The following ADORA2B variants were observed in gnomAD, a reference collection of about 807,000 sequenced individuals.
ADORA2B encodes adenosine A2b receptor, also known as adenosine receptor A2b.
ADORA2B carries 18 observed loss-of-function variants against 20.8 expected under a neutral mutation model. The ratio of observed to expected loss-of-function variants is 0.87; its 90% CI spans 0.60 to 1.29. The LOEUF (loss-of-function observed/expected upper bound fraction) is 1.29, where lower values mean the gene tolerates loss of function less well. ADORA2B is among the 50% of genes most tolerant of loss of function. The probability of loss-of-function intolerance (pLI) is 0.00; values close to 1 mark genes in which losing one functional copy is unlikely to be tolerated. For missense variants in ADORA2B, 441 were observed against 422.7 expected, an observed-to-expected ratio of 1.04 and a Z score of -0.38; for synonymous variants, 179 against 178.3, an observed-to-expected ratio of 1.00 and a Z score of -0.03.
At position 15,953,513 on chromosome 17, in the gene ADORA2B, A is replaced by C. The variant is rs1969931824; in HGVS notation, c.335+7930A>C. Reference sequence around the variant, plus strand: ...TGGTTTTGTGCTGCCATCTTGAAGCAGAATCTGTTGACTCCCCACTGTGAA... The same window carrying C: ...TGGTTTTGTGCTGCCATCTTGAAGCCGAATCTGTTGACTCCCCACTGTGAA... On this transcript the variant is annotated intron_variant, in intron 1 of 1. Transcript: ENST00000304222. 2.0e-5 allele frequency among the ~76,000 whole-genome samples: 3 copies of C among 152,326 alleles called. No individual in the cohort carries two copies. In the South Asian group the frequency reaches 6.2e-4, roughly 32 times the overall value.
the ADORA2B span, among the ~76,000 whole-genome samples, chr17:15,895,592 G>A: frequency 8.5e-5 from 13 of 152,312 alleles, no homozygotes; most frequent in South Asian, 2.1e-4. Context: ...CTGTATCTGC[G>A]CTGCCTTCAT....
the ADORA2B span, among the ~76,000 whole-genome samples, chr17:15,852,345 A>G: frequency 2.6e-5 from 4 of 152,188 alleles, no homozygotes; most frequent in African/African-American, 4.8e-5. Context: ...CTTAAAACCC[A>G]TAGAAACATG....
At chr17:15,859,208 C>T in the ADORA2B span, among the ~76,000 whole-genome samples, 1 of 152,086 alleles carries the variant, frequency 6.6e-6, no homozygotes, top group Admixed American at 6.5e-5. Flanking sequence ...TGACAGTACT[C>T]CCCACTTAGC....
the ADORA2B span, chr17:15,860,928 C>T: frequency 6.4e-6 from 1 of 155,340 alleles, no homozygotes; most frequent in Non-Finnish European, 1.5e-5. Context: ...ACTTTGGGGA[C>T]ATGAGACTGC....
At chr17:15,917,892 G>C in the ADORA2B span, among the ~76,000 whole-genome samples, 4 of 152,198 alleles carry the variant, frequency 2.6e-5, no homozygotes, top group African/African-American at 4.8e-5. Context: ...GCGAGTGCTC[G>C]GGCTCGGTCC....
the ADORA2B span, among the ~76,000 whole-genome samples, chr17:15,922,695 G>C: frequency 6.6e-6 from 1 of 152,216 alleles, no homozygotes; most frequent in Non-Finnish European, 1.5e-5. Context: ...ATGTTCATGT[G>C]TGTAAGTTTC....
At chr17:15,938,984 A>C in the ADORA2B span, among the ~76,000 whole-genome samples, 1 of 152,174 alleles carries the variant, frequency 6.6e-6, no homozygotes, top group Non-Finnish European at 1.5e-5. Context: ...TATATCAAAT[A>C]TCTCTCCATA....
chr17:15,871,586 C>T, the ADORA2B span, among the ~76,000 whole-genome samples: 9 of 152,136 alleles, frequency 5.9e-5, no homozygotes, highest in African/African-American at 1.2e-4. Context: ...TGTGCAAACA[C>T]GTGGTTTGTG....
At chr17:15,874,074 A>G in the ADORA2B span, among the ~76,000 whole-genome samples, 1 of 142,610 alleles carries the variant, frequency 7.0e-6, no homozygotes, top group Non-Finnish European at 1.5e-5. Flanking sequence ...GTGTGTATAT[A>G]TATATATGTA....
intron 1 of ADORA2B, among the ~76,000 whole-genome samples, chr17:15,964,885 C>T (rs926000467): frequency 4.6e-5 from 7 of 151,916 alleles, no homozygotes; most frequent in Non-Finnish European, 8.8e-5. Flanking sequence ...CACGGTGAAA[C>T]CCCGTCTCTA....
chr17:15,883,067 AAG>A, the ADORA2B span, among the ~76,000 whole-genome samples: 1 of 152,240 alleles, frequency 6.6e-6, no homozygotes, highest in South Asian at 2.1e-4. Context: ...CCATTTGGGA[AAG>A]AGAAGTAATT....
chr17:15,941,390 T>C (rs1969743694), upstream of ADORA2B, among the ~76,000 whole-genome samples: 2 of 152,212 alleles, frequency 1.3e-5, no homozygotes, highest in South Asian at 4.1e-4. Flanking sequence ...CTGGAGTCTC[T>C]GTTGCTAAGA....
the ADORA2B span, among the ~76,000 whole-genome samples, chr17:15,852,384 C>CT: frequency 3.3e-5 from 5 of 152,112 alleles, no homozygotes; most frequent in Admixed American, 6.6e-5. Context: ...CTTTCCCTAT[C>CT]TTAACTGACT....
chr17:15,914,374 T>G, the ADORA2B span, among the ~76,000 whole-genome samples: 1 of 152,196 alleles, frequency 6.6e-6, no homozygotes, highest in South Asian at 2.1e-4. Flanking sequence ...CTTTTTATAT[T>G]TTTACTTTTT....
chr17:15,864,724 A>G, the ADORA2B span, among the ~76,000 whole-genome samples: 1 of 151,756 alleles, frequency 6.6e-6, no homozygotes, highest in Non-Finnish European at 1.5e-5. Flanking sequence ...GCAAGGCTGT[A>G]TGAATCAGTT....
Position 15,975,721 on chromosome 17 carries a change from TAA to T in ADORA2B, c.*382_*383del, listed in dbSNP as rs1317522896. On this transcript the variant is annotated 3_prime_UTR_variant, in exon 2 of 2. Coordinates refer to ENST00000304222, the MANE Select transcript of ADORA2B (RefSeq NM_000676.4). ...TTTTAACTTAGAGGCAATGGAAAAA[TAA>T]AAGTTGACTGTACTAAAAATGTATA... 1 of 172,370 alleles carries T rather than the reference TAA, an allele frequency of 5.8e-6. No homozygotes were observed. The highest frequency in any genetic ancestry group is 1.2e-5 in the Non-Finnish European group (1 of 80,876). 10.7% of individuals were successfully genotyped at this position (172,370 alleles called of 1,614,324 possible).
At chr17:15,917,308 G>C in the ADORA2B span, among the ~76,000 whole-genome samples, 3 of 152,174 alleles carry the variant, frequency 2.0e-5, no homozygotes, top group Non-Finnish European at 4.4e-5. Flanking sequence ...TGCCTGCCAC[G>C]GTACGCTGGT....
the ADORA2B span, among the ~76,000 whole-genome samples, chr17:15,900,289 G>A: frequency 6.6e-6 from 1 of 152,130 alleles, no homozygotes. Flanking sequence ...TGGGATTACT[G>A]GGTTGAATGG....
chr17:15,924,581 C>G, the ADORA2B span, among the ~76,000 whole-genome samples: 1 of 151,496 alleles, frequency 6.6e-6, no homozygotes, highest in Non-Finnish European at 1.5e-5. Flanking sequence ...AATACACACA[C>G]AAAAAAAAAT....
Sources: allele counts gnomAD v4.1 joint callset (sites outside exome capture counted in the v4.1 genomes callset), GRCh38; gene constraint gnomAD v4.1.1; transcripts MANE v1.5; gene names NCBI Gene and HGNC (gene_info 2026-07-23, HGNC 2026-07-21).